The following DAB1 variants were observed in gnomAD, a reference collection of about 807,000 sequenced individuals.
The protein encoded by DAB1 is disabled homolog 1.
DAB1 carries 15 observed loss-of-function variants against 64.6 expected under a neutral mutation model. The observed-to-expected ratio is 0.23, with a 90% CI of 0.16 to 0.36. The LOEUF (loss-of-function observed/expected upper bound fraction) is 0.36. DAB1 is among the 10% of genes least tolerant of loss of function. The probability of loss-of-function intolerance (pLI) is 1.00; values close to 1 mark genes in which losing one functional copy is unlikely to be tolerated. For missense variants in DAB1, 596 were observed against 706.7 expected, an observed-to-expected ratio of 0.84 and a Z score of 1.78; for synonymous variants, 235 against 251.9, an observed-to-expected ratio of 0.93 and a Z score of 0.64.
At position 58,162,209 on chromosome 1, in the gene DAB1, C is replaced by T. The variant is rs368368549; in HGVS notation, n.310-11621G>A. On this transcript the variant is annotated intron_variant and non_coding_transcript_variant, in intron 4 of 20. Transcript: ENST00000485760. ...GGGAAAAGAGGATATTCTTATCATG[C>T]CAAAGGACAGTGCTATACGAGACTG... Among the ~76,000 whole-genome samples the T allele has an allele frequency of 3.1e-3, 469 of 152,246 alleles. 23 individuals are homozygous for T. In the South Asian group the frequency reaches 0.093, roughly 30 times the overall value.
At chr1:58,110,288 T>C (rs1011496287) in intron 5 of DAB1, among the ~76,000 whole-genome samples, 4 of 152,240 alleles carry the variant, frequency 2.6e-5, no homozygotes, top group African/African-American at 7.2e-5. Flanking sequence ...TTTTTTACCT[T>C]AGTTCAAAGT....
At chr1:58,118,600 A>G (rs539301671) in intron 5 of DAB1, among the ~76,000 whole-genome samples, 3 of 85,644 alleles carry the variant, frequency 3.5e-5, no homozygotes, top group Admixed American at 1.4e-4. Flanking sequence ...AAAATACTAT[A>G]TATATATACA....
At chr1:58,417,049 G>T (rs78027335) in intron 3 of DAB1, among the ~76,000 whole-genome samples, 5,097 of 152,128 alleles carry the variant, frequency 0.034, 106 homozygotes, top group African/African-American at 0.063. Context: ...TTTTAATGTG[G>T]CTACTAGCAA....
At chr1:58,006,450 T>A (rs1431854811) in intron 5 of DAB1, among the ~76,000 whole-genome samples, 1 of 152,068 alleles carries the variant, frequency 6.6e-6, no homozygotes, top group Non-Finnish European at 1.5e-5. Flanking sequence ...ATACTACTGG[T>A]AAGTATTGCA....
At chr1:57,369,677 TC>T (rs1680339529) in intron 1 of DAB1, among the ~76,000 whole-genome samples, 1 of 152,186 alleles carries the variant, frequency 6.6e-6, no homozygotes, top group African/African-American at 2.4e-5. Context: ...GAGCTTGGAC[TC>T]TGGATTCAGG....
rs1553145027 is a variant in DAB1 at position 57,121,157 on chromosome 1, G to GAGA, written c.306+15385_306+15386insTCT. Among the ~76,000 whole-genome samples, 802 of 140,890 alleles carry GAGA rather than the reference G, an allele frequency of 5.7e-3. 8 individuals are homozygous for GAGA. The highest frequency in any genetic ancestry group is 0.019 in the African/African-American group (721 of 37,084). 92.4% of individuals were successfully genotyped at this position (140,890 alleles called of 152,430 possible). ...GAAGAAGAAGGAGGAGGAGGAGGAG[G>GAGA]AGGAGGAGAAGGAGGAGAAGGAGAA... On this transcript the variant is annotated intron_variant, in intron 4 of 14. Coordinates refer to ENST00000371236, the MANE Select transcript of DAB1 (RefSeq NM_001365792.1).
chr1:57,705,537 A>C (rs1011487089), intron 6 of DAB1, among the ~76,000 whole-genome samples: 16 of 151,990 alleles, frequency 1.1e-4, no homozygotes, highest in Non-Finnish European at 2.4e-4. Flanking sequence ...TTTTCTCTCT[A>C]CCAGCTTAGA....
intron 7 of DAB1, among the ~76,000 whole-genome samples, chr1:57,476,027 C>A (rs1017522067): frequency 1.3e-5 from 2 of 151,982 alleles, no homozygotes; most frequent in African/African-American, 4.8e-5. Context: ...GAGTTTGAGA[C>A]CAGCCTGGCC....
rs559575774 is a variant in DAB1 at position 57,988,547 on chromosome 1, G to A, written n.388-104385C>T. The stretch of plus-strand genomic sequence containing the variant: ...ACACTGAGCTGGGGAGCAGGATCCT[G>A]GTCACTGAGACTTCTTTTCTGCACA... On this transcript the variant is annotated intron_variant and non_coding_transcript_variant, in intron 5 of 20. Transcript: ENST00000485760. Among the ~76,000 whole-genome samples the A allele has an allele frequency of 3.2e-4, 48 of 152,306 alleles. 1 individual carries two copies. Among genetic ancestry groups the A allele is most frequent in the Admixed American group, 2.9e-3 (45 of 15,304 alleles).
At chr1:57,881,171 G>A (rs1644138036) in intron 1 of DAB1, among the ~76,000 whole-genome samples, 1 of 152,120 alleles carries the variant, frequency 6.6e-6, no homozygotes, top group Non-Finnish European at 1.5e-5. Context: ...ACAAAATACA[G>A]TGTTTGTATT....
Position 58,048,464 on chromosome 1 carries a change from T to G in DAB1, n.387+102047A>C, listed in dbSNP as rs557104274. The G allele has an allele frequency of 8.1e-5, 96 of 1,190,326 alleles. No individual in the cohort carries two copies. In the African/African-American group the frequency reaches 1.4e-3, roughly 17 times the overall value. 73.7% of individuals were successfully genotyped at this position (1,190,326 alleles called of 1,614,324 possible). On this transcript the variant is annotated intron_variant and non_coding_transcript_variant, in intron 5 of 20. Coordinates refer to the DAB1 transcript ENST00000485760. ...GCCACTCCCGCCATAGCCACTGCCC[T>G]GGTTTCCATAACCCTGTCCACCACT...
intron 7 of DAB1, among the ~76,000 whole-genome samples, chr1:57,496,449 A>G (rs966137567): frequency 6.6e-6 from 1 of 152,236 alleles, no homozygotes; most frequent in Non-Finnish European, 1.5e-5. Context: ...GGTGCCCAGT[A>G]TACCGTAGAT....
intron 3 of DAB1, among the ~76,000 whole-genome samples, chr1:58,403,154 A>G (rs1342592418): frequency 6.6e-6 from 1 of 152,210 alleles, no homozygotes; most frequent in Non-Finnish European, 1.5e-5. Context: ...CCTGCTGCCA[A>G]TGTCCAAAGA....
chr1:57,803,485 C>A (rs533139618), intron 6 of DAB1, among the ~76,000 whole-genome samples: 4 of 152,210 alleles, frequency 2.6e-5, no homozygotes, highest in Non-Finnish European at 5.9e-5. Context: ...ATGCAGTCTT[C>A]CTGCCACAGA....
At chr1:57,660,152 T>A (rs1032217134) in intron 6 of DAB1, among the ~76,000 whole-genome samples, 1 of 152,098 alleles carries the variant, frequency 6.6e-6, no homozygotes, top group Non-Finnish European at 1.5e-5. Context: ...TTAGATAATA[T>A]CTAACCCAAT....
intron 2 of DAB1, among the ~76,000 whole-genome samples, chr1:57,287,228 T>C (rs1277427262): frequency 6.6e-6 from 1 of 152,106 alleles, no homozygotes; most frequent in Non-Finnish European, 1.5e-5. Flanking sequence ...TGCGCCGCCA[T>C]GCCTGGCCAT....
intron 6 of DAB1, among the ~76,000 whole-genome samples, chr1:57,710,642 T>G (rs912783118): frequency 2.0e-5 from 3 of 151,550 alleles, no homozygotes; most frequent in Admixed American, 1.3e-4. Context: ...TAATTTGCTG[T>G]TTTTTTTGGG....
chr1:57,073,574 A>C (rs960052854), intron 4 of DAB1, among the ~76,000 whole-genome samples: 3 of 152,116 alleles, frequency 2.0e-5, no homozygotes, highest in African/African-American at 7.2e-5. Flanking sequence ...GTATGTTTAA[A>C]GTCCTTATAA....
chr1:57,289,579 C>T (rs1301669452), intron 2 of DAB1, among the ~76,000 whole-genome samples: 2 of 152,138 alleles, frequency 1.3e-5, no homozygotes, highest in Non-Finnish European at 1.5e-5. Flanking sequence ...AATTTATAGT[C>T]CTTCCTGGGC....
Sources: gnomAD v4.1 joint callset for allele counts (sites outside exome capture counted in the v4.1 genomes callset) on GRCh38, gnomAD v4.1.1 for gene constraint, MANE v1.5 for transcripts, NCBI Gene and HGNC (gene_info 2026-07-23, HGNC 2026-07-21) for gene names.